KCNG3: variants seen among roughly 807,000 people sequenced by gnomAD.
KCNG3 encodes voltage-gated potassium channel regulatory subunit KCNG3.
KCNG3 carries 15 observed loss-of-function variants against 29.0 expected under a neutral mutation model. The observed-to-expected ratio is 0.52, with a 90% CI of 0.35 to 0.80. KCNG3 has a LOEUF of 0.80. KCNG3 is among the 30% of genes least tolerant of loss of function. The probability of loss-of-function intolerance (pLI) is 0.01; values close to 1 mark genes in which losing one functional copy is unlikely to be tolerated. For missense variants in KCNG3, 512 were observed against 605.7 expected, an observed-to-expected ratio of 0.85 and a Z score of 1.62; for synonymous variants, 322 against 248.9, an observed-to-expected ratio of 1.29 and a Z score of -2.76.
chr2:42,491,797 G>A (rs888078551), intron 1 of KCNG3, among the ~76,000 whole-genome samples: 3 of 152,170 alleles, frequency 2.0e-5, no homozygotes, highest in African/African-American at 7.2e-5. Flanking sequence ...TAGCAAGGCC[G>A]CCGTTCCGAA....
chr2:42,401,545 G>A, the KCNG3 span, among the ~76,000 whole-genome samples: 7 of 152,046 alleles, frequency 4.6e-5, no homozygotes, highest in Non-Finnish European at 8.8e-5. Flanking sequence ...GGGCTCAAGC[G>A]ATACTCCTAC....
At chr2:42,466,596 T>G (rs1456975084) in intron 1 of KCNG3, among the ~76,000 whole-genome samples, 2 of 152,088 alleles carry the variant, frequency 1.3e-5, no homozygotes, top group Non-Finnish European at 2.9e-5. Context: ...GGACTCTCTA[T>G]GACGTTCACA....
At chr2:42,440,970 G>T (rs1445258528), downstream of KCNG3, among the ~76,000 whole-genome samples, 1 of 152,182 alleles carries the variant, frequency 6.6e-6, no homozygotes, top group Non-Finnish European at 1.5e-5. Context: ...GATAATGTCT[G>T]ACTTACTGGT....
the KCNG3 span, among the ~76,000 whole-genome samples, chr2:42,432,756 A>G: frequency 6.6e-6 from 1 of 152,134 alleles, no homozygotes; most frequent in South Asian, 2.1e-4. Context: ...ATATATACCA[A>G]TTGAAGAACT....
At chr2:42,400,279 T>A in the KCNG3 span, among the ~76,000 whole-genome samples, 15 of 152,064 alleles carry the variant, frequency 9.9e-5, no homozygotes, top group Non-Finnish European at 1.6e-4. Context: ...TCTGTCAAGG[T>A]CAAGGGACCT....
At chr2:42,420,301 G>A in the KCNG3 span, among the ~76,000 whole-genome samples, 1 of 152,202 alleles carries the variant, frequency 6.6e-6, no homozygotes, top group Non-Finnish European at 1.5e-5. Context: ...AATTGCAGCT[G>A]TGCTACAAAG....
chr2:42,489,390 A>G (rs543331430), intron 1 of KCNG3, among the ~76,000 whole-genome samples: 21 of 152,222 alleles, frequency 1.4e-4, no homozygotes, highest in Non-Finnish European at 2.8e-4. Context: ...TCTCTTCTCA[A>G]TCAATCAACA....
the KCNG3 span, among the ~76,000 whole-genome samples, chr2:42,405,896 G>A: frequency 1.1e-4 from 17 of 151,522 alleles, no homozygotes; most frequent in Admixed American, 3.3e-4. Flanking sequence ...GTGAGCCACC[G>A]CACCTGGCCT....
the KCNG3 span, among the ~76,000 whole-genome samples, chr2:42,433,666 G>C: frequency 6.6e-6 from 1 of 152,130 alleles, no homozygotes; most frequent in African/African-American, 2.4e-5. Context: ...TTGAACCCGA[G>C]AGGTGGGGGT....
rs762844302 is a variant in KCNG3, at chr2:42,444,673, A to G, written c.666-94T>C. 38 of 1,124,376 alleles carry G rather than the reference A, an allele frequency of 3.4e-5. No homozygotes were observed. Among genetic ancestry groups the G allele is most frequent in the Non-Finnish European group, 4.6e-5 (36 of 785,914 alleles). 69.6% of individuals were successfully genotyped at this position (1,124,376 alleles called of 1,614,324 possible). A position where few individuals can be genotyped will look rare whatever the true frequency, so the allele number is the denominator to read the frequency against. On this transcript the variant is annotated intron_variant, in intron 1 of 1. Transcript: ENST00000306078. This position sits in a 1 kb window ranked among gnomAD's most constrained non-coding sequence, Gnocchi z 5.8. ...CAGATAGTACTACACTGACATACTA[A>G]TTCAGTTACTTTTCCAGAAAACATA...
At chr2:42,490,300 G>T (rs1005189469) in intron 1 of KCNG3, among the ~76,000 whole-genome samples, 2 of 152,126 alleles carry the variant, frequency 1.3e-5, no homozygotes, top group African/African-American at 4.8e-5. Flanking sequence ...CCCTGGCCAG[G>T]CGCGGTGGCT....
chr2:42,441,144 G>T (rs955109314), downstream of KCNG3, among the ~76,000 whole-genome samples: 1 of 152,180 alleles, frequency 6.6e-6, no homozygotes, highest in African/African-American at 2.4e-5. Flanking sequence ...GCTTTGAGAG[G>T]CTGAGGTGGG....
In KCNG3 at chr2:42,493,427, C is replaced by A; in HGVS notation, c.75G>T (p.Glu25Asp). The A allele has an allele frequency of 6.7e-7, 1 of 1,488,622 alleles. No homozygotes were observed. The highest frequency in any genetic ancestry group is 8.9e-7 in the Non-Finnish European group (1 of 1,124,102). 92.2% of individuals were successfully genotyped at this position (1,488,622 alleles called of 1,614,324 possible). ...GGCGCAGCGGGAAGTCCTTCAGCAG[C>A]TCCCGGGACAGCGAATACCGGGCGC... ...VGGARYSLSR[E>D]LLKDFPLRRV... Residue 25 changes from glutamate (E) to aspartate (D), a missense_variant, in exon 1 of 2, where the codon GAG becomes GAT. By Grantham distance (45) the Glu-to-Asp change is conservative. Transcript: ENST00000306078.
the KCNG3 span, among the ~76,000 whole-genome samples, chr2:42,425,547 G>T: frequency 6.6e-6 from 1 of 151,994 alleles, no homozygotes; most frequent in Non-Finnish European, 1.5e-5. Flanking sequence ...AACTGAAAGC[G>T]GCTGGCAGGC....
chr2:42,426,953 G>A, the KCNG3 span, among the ~76,000 whole-genome samples: 1 of 152,162 alleles, frequency 6.6e-6, no homozygotes. Flanking sequence ...TTTACTCAAT[G>A]TAAGTACAAA....
the KCNG3 span, among the ~76,000 whole-genome samples, chr2:42,402,455 G>A: frequency 6.6e-6 from 1 of 152,228 alleles, no homozygotes. Context: ...GGAGGCCAAG[G>A]TGGGAGGATT....
the KCNG3 span, among the ~76,000 whole-genome samples, chr2:42,420,857 C>G: frequency 6.6e-5 from 10 of 152,248 alleles, no homozygotes; most frequent in South Asian, 2.1e-3. Flanking sequence ...ATTCTGACCT[C>G]TCCAACAACC....
At chr2:42,477,184 T>C (rs1458573520) in intron 1 of KCNG3, among the ~76,000 whole-genome samples, 1 of 142,016 alleles carries the variant, frequency 7.0e-6, no homozygotes, top group Non-Finnish European at 1.5e-5. Flanking sequence ...AGAGCAAGAC[T>C]CTGTTTCAAA....
At chr2:42,453,842 G>T (rs1000792337) in intron 1 of KCNG3, among the ~76,000 whole-genome samples, 1 of 152,038 alleles carries the variant, frequency 6.6e-6, no homozygotes. Flanking sequence ...ATAGTTTGAG[G>T]TCTTAGATTT....
Sources: gnomAD v4.1 joint callset for allele counts (sites outside exome capture counted in the v4.1 genomes callset) on GRCh38, gnomAD v4.1.1 for gene constraint, Gnocchi (gnomAD v3.1) non-coding constraint, MANE v1.5 for transcripts, NCBI Gene and HGNC (gene_info 2026-07-23, HGNC 2026-07-21) for gene names.